Variants in POLR2I observed in about 807,000 individuals in gnomAD.
The protein encoded by POLR2I is DNA-directed RNA polymerase II subunit RPB9.
In POLR2I, 15 loss-of-function variants were observed where a neutral mutation model predicts 23.0. The ratio of observed to expected loss-of-function variants is 0.65; its 90% CI spans 0.44 to 1.00. POLR2I has a LOEUF of 1.00. Ranked by LOEUF, POLR2I falls within the 50% of genes least tolerant of loss-of-function variation. The pLI, the probability that POLR2I is intolerant of heterozygous loss-of-function variation, is 0.00. For missense variants in POLR2I, 120 were observed against 173.7 expected (o/e 0.69, Z 1.74); for synonymous variants, 72 against 65.4 (o/e 1.10, Z -0.49).
Position 36,114,474 on chromosome 19 carries a change from G to A in POLR2I, c.115-62C>T, listed in dbSNP as rs1973904864. 2.7e-6 allele frequency: 4 copies of A among 1,504,696 alleles called. No individual in the cohort carries two copies. Among genetic ancestry groups the A allele is most frequent in the Admixed American group, 3.4e-5 (2 of 59,438 alleles). The allele number at this position is 1,504,696 out of a possible 1,614,324, so 93.2% of individuals were successfully genotyped here. A position where few individuals can be genotyped will look rare whatever the true frequency, so the allele number is the denominator to read the frequency against. The stretch of plus-strand genomic sequence containing the variant: ...GAAGGATTCCAGACAAGATTGGGAG[G>A]AGAGGGCAGGGTGATCCCGGAGGAT... On this transcript the variant is annotated intron_variant, in intron 2 of 5. Transcript: ENST00000221859. This position sits in a 1 kb window ranked among gnomAD's most constrained non-coding sequence, Gnocchi z 4.5.
chr19:36,114,213 G>GCAC lies in POLR2I; in HGVS notation c.226_227insGTG (p.Pro76delinsArgAla). On this transcript the variant is annotated protein_altering_variant, in exon 4 of 6. Transcript: ENST00000221859. The surrounding 1 kb of genome is among the most constrained non-coding windows in gnomAD (Gnocchi z 4.5). ...GTGGTCCTCGGTCCGCGGCAACGTG[G>GCAC]GGTCCTGGGACACGTCGGCGATAAT... is the stretch of plus-strand genomic sequence containing the variant. 1 of 1,614,048 alleles carries GCAC rather than the reference G, an allele frequency of 6.2e-7. No individual in the cohort carries two copies. The highest frequency in any genetic ancestry group is 8.5e-7 in the Non-Finnish European group (1 of 1,179,996).
chr19:36,113,980 G>C, intron 5 of POLR2I, 35 bp downstream of exon 5: 3 of 1,609,418 alleles, frequency 1.9e-6, no homozygotes, highest in Non-Finnish European at 2.6e-6. Context: ...GACCAAACAA[G>C]CCCCAGATAC....
rs950753650 is a variant in POLR2I at position 36,114,433 on chromosome 19, G to A, written c.115-21C>T. The stretch of plus-strand genomic sequence containing the variant: ...CGGCACTACGAGAGGGCGAGTGTGG[G>A]GGAAAGGGGGTCACGGAAGGATTCC... On this transcript the variant is annotated intron_variant, in intron 2 of 5. Transcript: ENST00000221859. The surrounding 1 kb of genome is among the most constrained non-coding windows in gnomAD (Gnocchi z 4.5). 2 of 1,609,808 alleles carry A rather than the reference G, an allele frequency of 1.2e-6. No individual in the cohort carries two copies. Among genetic ancestry groups the A allele is most frequent in the Non-Finnish European group, 1.7e-6 (2 of 1,176,274 alleles).
At position 36,114,293 on chromosome 19, in the gene POLR2I, C is replaced by A; in HGVS notation, c.189-42G>T. On this transcript the variant is annotated intron_variant, in intron 3 of 5. Coordinates refer to ENST00000221859, the MANE Select transcript of POLR2I (RefSeq NM_006233.5). This position sits in a 1 kb window ranked among gnomAD's most constrained non-coding sequence, Gnocchi z 4.5. ...GTGCAAAATTACGCTCAGACCCAGC[C>A]TCCAGAGCCAACACCCCCGCCCCCA... is the stretch of plus-strand genomic sequence containing the variant. The A allele has an allele frequency of 6.2e-7, 1 of 1,613,556 alleles. No homozygotes were observed. Among genetic ancestry groups the A allele is most frequent in the African/African-American group, 1.3e-5 (1 of 75,012 alleles).
Position 36,113,927 on chromosome 19 carries a change from G to A in POLR2I, c.315+88C>T. The A allele has an allele frequency of 1.9e-6, 3 of 1,577,316 alleles. No homozygotes were observed. In the South Asian group the frequency reaches 3.3e-5, roughly 17 times the overall value. On this transcript the variant is annotated intron_variant, in intron 5 of 5. Transcript: ENST00000221859. ...AGGTAAGGGCCCGGCAGAGTTCCAA[G>A]AAGCGCAGGGTCACCCACATTGATA...
At position 36,114,081 on chromosome 19, in the gene POLR2I, G is replaced by A; in HGVS notation, c.264-15C>T. 6.2e-7 allele frequency: 1 copy of A among 1,613,948 alleles called. No homozygotes were observed. The highest frequency in any genetic ancestry group is 1.3e-5 in the African/African-American group (1 of 75,048). On this transcript the variant is annotated splice_polypyrimidine_tract_variant and intron_variant, in intron 4 of 5. Coordinates refer to ENST00000221859, the MANE Select transcript of POLR2I (RefSeq NM_006233.5). This position sits in a 1 kb window ranked among gnomAD's most constrained non-coding sequence, Gnocchi z 4.5. ...TGTGGCCGCACCTGAGAGGGTAGGG[G>A]CTCGGTCACCGGAGGCTTCACACCC...
rs761580234 is a variant in POLR2I at position 36,114,864 on chromosome 19, C to A, written c.-8G>T. 5.8e-5 allele frequency: 93 copies of A among 1,612,422 alleles called. No homozygotes were observed. Among genetic ancestry groups the A allele is most frequent in the Non-Finnish European group, 7.5e-5 (88 of 1,179,634 alleles). ...AGTCCCGTCGGGCTCCATGGCGACG[C>A]GCAGCCCGCGCAGCCCTCCCAGCCT... On this transcript the variant is annotated 5_prime_UTR_variant, in exon 1 of 6. Coordinates refer to ENST00000221859, the MANE Select transcript of POLR2I (RefSeq NM_006233.5). This position sits in a 1 kb window ranked among gnomAD's most constrained non-coding sequence, Gnocchi z 4.5.
Position 36,114,279 on chromosome 19 carries a change from C to T in POLR2I, c.189-28G>A, listed in dbSNP as rs1455633911. ...GCAGGGACGCGGGGGTGCAAAATTA[C>T]GCTCAGACCCAGCCTCCAGAGCCAA... On this transcript the variant is annotated intron_variant, in intron 3 of 5. Coordinates refer to ENST00000221859, the MANE Select transcript of POLR2I (RefSeq NM_006233.5). The surrounding 1 kb of genome is among the most constrained non-coding windows in gnomAD (Gnocchi z 4.5). 1 of 1,613,418 alleles carries T rather than the reference C, an allele frequency of 6.2e-7. No homozygotes were observed. The highest frequency in any genetic ancestry group is 2.2e-5 in the East Asian group (1 of 44,834).
In POLR2I at chr19:36,114,066, C is replaced by T; in HGVS notation, c.264G>A (p.Lys88=). ...LPRTEDHPCQ[K]CGHKEAVFFQ... ...AGAACACAGCCTCCTTGTGGCCGCACCTGAGAGGGTAGGGGCTCGGTCACC... is the reference window on the plus strand; with the variant it reads ...AGAACACAGCCTCCTTGTGGCCGCATCTGAGAGGGTAGGGGCTCGGTCACC... Residue 88 remains lysine, a splice_region_variant and synonymous_variant, in exon 5 of 6, where the codon AAG becomes AAA. Transcript: ENST00000221859. This position sits in a 1 kb window ranked among gnomAD's most constrained non-coding sequence, Gnocchi z 4.5. The T allele has an allele frequency of 6.2e-7, 1 of 1,614,090 alleles. No individual in the cohort carries two copies.
chr19:36,113,824 G>A lies in POLR2I; in HGVS notation c.316-7C>T, dbSNP rs202058207. The A allele has an allele frequency of 5.0e-6, 8 of 1,612,084 alleles. No homozygotes were observed. The East Asian group carries it at 1.1e-4, about 23-fold the overall frequency. On this transcript the variant is annotated splice_polypyrimidine_tract_variant and splice_region_variant and intron_variant, in intron 5 of 5. Transcript: ENST00000221859. ...AGTAAAGGCGCATGGCGTCCTGGCA[G>A]AAATGATGCATGGTTAGGAAGGATT...
rs373949149 is a variant in POLR2I at position 36,114,730 on chromosome 19, G to A, written c.60-17C>T. ...ATGTTGTTACTGTGGGGAGGGGGAG[G>A]TGCCAGGGGTTAGTTCTGGAGCCAT... On this transcript the variant is annotated splice_polypyrimidine_tract_variant and intron_variant, in intron 1 of 5. Transcript: ENST00000221859. The surrounding 1 kb of genome is among the most constrained non-coding windows in gnomAD (Gnocchi z 4.5). 12 of 1,613,340 alleles carry A rather than the reference G, an allele frequency of 7.4e-6. No homozygotes were observed. In the African/African-American group the frequency reaches 1.2e-4, roughly 16 times the overall value.
chr19:36,113,784 G>A lies in POLR2I; in HGVS notation c.349C>T (p.Pro117Ser), dbSNP rs1973887431. The part of the protein sequence containing the change: ...AMRLYYVCTA[P>S]HCGHRWTE ...TCGGTCCAGCGGTGGCCGCAGTGTG[G>A]GGCTGTGCACACGTAGTAAAGGCGC... is the stretch of plus-strand genomic sequence containing the variant. The change falls in exon 6 of 6, where the codon CCA becomes TCA. Residue 117 changes from proline (P) to serine (S), a missense_variant. Pro to Ser is a moderately conservative substitution (Grantham distance 74). Coordinates refer to ENST00000221859, the MANE Select transcript of POLR2I (RefSeq NM_006233.5). 6.2e-7 allele frequency: 1 copy of A among 1,613,362 alleles called. No individual in the cohort carries two copies. Among genetic ancestry groups the A allele is most frequent in the Non-Finnish European group, 8.5e-7 (1 of 1,179,910 alleles).
chr19:36,114,124 C>T lies in POLR2I; in HGVS notation c.263+53G>A, dbSNP rs1411584967. ...TCACACCCTTCCCTCCTCCCTTCGC[C>T]CAGTGAGGAGACGAGCCTCACTTTA... On this transcript the variant is annotated intron_variant, in intron 4 of 5. Transcript: ENST00000221859. This position sits in a 1 kb window ranked among gnomAD's most constrained non-coding sequence, Gnocchi z 4.5. 1 of 1,612,192 alleles carries T rather than the reference C, an allele frequency of 6.2e-7. No individual in the cohort carries two copies. Among genetic ancestry groups the T allele is most frequent in the African/African-American group, 1.3e-5 (1 of 75,010 alleles).
Position 36,113,737 on chromosome 19 carries a change from C to T in POLR2I, c.*18G>A. ...CGCATGGAATCTGGTGTTTATTACA[C>T]TCGGGGGAGAGAGGAGGTCACTCGG... is the stretch of plus-strand genomic sequence containing the variant. On this transcript the variant is annotated 3_prime_UTR_variant, in exon 6 of 6. Coordinates refer to ENST00000221859, the MANE Select transcript of POLR2I (RefSeq NM_006233.5). 1 of 1,612,400 alleles carries T rather than the reference C, an allele frequency of 6.2e-7. No individual in the cohort carries two copies. The highest frequency in any genetic ancestry group is 1.3e-5 in the African/African-American group (1 of 75,044).
Position 36,114,424 on chromosome 19 carries a change from C to T in POLR2I, c.115-12G>A. On this transcript the variant is annotated splice_polypyrimidine_tract_variant and intron_variant, in intron 2 of 5. Transcript: ENST00000221859. This position sits in a 1 kb window ranked among gnomAD's most constrained non-coding sequence, Gnocchi z 4.5. ...TCACAGTTCCGGCACTACGAGAGGG[C>T]GAGTGTGGGGGAAAGGGGGTCACGG... is the stretch of plus-strand genomic sequence containing the variant. 1 of 1,612,430 alleles carries T rather than the reference C, an allele frequency of 6.2e-7. No homozygotes were observed. Among genetic ancestry groups the T allele is most frequent in the Non-Finnish European group, 8.5e-7 (1 of 1,178,762 alleles).
Position 36,113,829 on chromosome 19 carries a change from G to A in POLR2I, c.316-12C>T, listed in dbSNP as rs1973888357. 1.2e-6 allele frequency: 2 copies of A among 1,611,816 alleles called. No individual in the cohort carries two copies. Among genetic ancestry groups the A allele is most frequent in the African/African-American group, 2.7e-5 (2 of 74,860 alleles). ...AGGCGCATGGCGTCCTGGCAGAAAT[G>A]ATGCATGGTTAGGAAGGATTTGGAC... On this transcript the variant is annotated splice_polypyrimidine_tract_variant and intron_variant, in intron 5 of 5. Coordinates refer to ENST00000221859, the MANE Select transcript of POLR2I (RefSeq NM_006233.5).
At position 36,114,772 on chromosome 19, in the gene POLR2I, AAC is replaced by A. The variant is rs761085834; in HGVS notation, c.59+24_59+25del. On this transcript the variant is annotated intron_variant, in intron 1 of 5. Coordinates refer to ENST00000221859, the MANE Select transcript of POLR2I (RefSeq NM_006233.5). This position sits in a 1 kb window ranked among gnomAD's most constrained non-coding sequence, Gnocchi z 4.5. The stretch of plus-strand genomic sequence containing the variant: ...TGGAGCCATTCCTCGCCCGCCTTCT[AAC>A]ATCACCCGCTCCCTCCGCCTCACCA... The A allele has an allele frequency of 2.5e-6, 4 of 1,614,064 alleles. No individual in the cohort carries two copies. In the East Asian group the frequency reaches 8.9e-5, roughly 36 times the overall value.
At position 36,114,510 on chromosome 19, in the gene POLR2I, G is replaced by T; in HGVS notation, c.115-98C>A. ...GTGATCCCGGAGGATATGACGACAG[G>T]ACTCTCTTTGGGGATGGGCAGGACA... On this transcript the variant is annotated intron_variant, in intron 2 of 5. Transcript: ENST00000221859. The surrounding 1 kb of genome is among the most constrained non-coding windows in gnomAD (Gnocchi z 4.5). 1 of 1,351,792 alleles carries T rather than the reference G, an allele frequency of 7.4e-7. No homozygotes were observed. Among genetic ancestry groups the T allele is most frequent in the African/African-American group, 1.4e-5 (1 of 70,006 alleles). 83.7% of individuals were successfully genotyped at this position (1,351,792 alleles called of 1,614,324 possible).
rs574220491 is a variant in POLR2I, at chr19:36,114,640, G to A, written c.114+19C>T. 2 of 1,599,020 alleles carry A rather than the reference G, an allele frequency of 1.3e-6. No individual in the cohort carries two copies. Among genetic ancestry groups the A allele is most frequent in the South Asian group, 2.2e-5 (2 of 90,150 alleles). ...CGCTGGGAACAGGTGGACCTGCCGG[G>A]GAAGACCCCGGCGCTCACCGCGTAG... On this transcript the variant is annotated intron_variant, in intron 2 of 5. Transcript: ENST00000221859. The surrounding 1 kb of genome is among the most constrained non-coding windows in gnomAD (Gnocchi z 4.5).
Sources: gnomAD v4.1 joint callset for allele counts on GRCh38, gnomAD v4.1.1 for gene constraint, Gnocchi (gnomAD v3.1) non-coding constraint, MANE v1.5 for transcripts, NCBI Gene and HGNC (gene_info 2026-07-23, HGNC 2026-07-21) for gene names.